PLOD1: variants seen among roughly 807,000 people sequenced by gnomAD.
PLOD1 encodes the protein lysine hydroxylase.
PLOD1 carries 70 observed loss-of-function variants against 94.7 expected under a neutral mutation model. The observed-to-expected ratio is 0.74, with a 90% confidence interval of 0.61 to 0.90. PLOD1 has a LOEUF of 0.90. PLOD1 is among the 40% of genes least tolerant of loss of function. PLOD1 has a pLI of 0.00. For synonymous variants in PLOD1, 417 were observed against 400.2 expected (o/e 1.04, Z -0.50); for missense variants, 905 against 972.7 (o/e 0.93, Z 0.93).
chr1:11,957,218 G>A lies in PLOD1; in HGVS notation c.741+204G>A, dbSNP rs760343379. 4 of 749,134 alleles carry A rather than the reference G, an allele frequency of 5.3e-6. No individual in the cohort carries two copies. In the African/African-American group the frequency reaches 6.8e-5, roughly 13 times the overall value. 46.4% of individuals were successfully genotyped at this position (749,134 alleles called of 1,614,324 possible). On this transcript the variant is annotated intron_variant, in intron 7 of 18. Transcript: ENST00000196061. This position sits in a 1 kb window ranked among gnomAD's most constrained non-coding sequence, Gnocchi z 4.1. Reference sequence around the variant, plus strand: ...GGTCAGTGGTACTCTGTCTGTTCTTGCTGGTCACAGGACACGTAGGAGGCT... The same window carrying A: ...GGTCAGTGGTACTCTGTCTGTTCTTACTGGTCACAGGACACGTAGGAGGCT...
In PLOD1 at chr1:11,964,181, C is replaced by T. The variant is rs1401528073; in HGVS notation, c.1209C>T (p.Val403=). The change falls in exon 12 of 19, where the codon GTC becomes GTT. Residue 403 remains valine, a synonymous_variant. Coordinates refer to ENST00000196061, the MANE Select transcript of PLOD1 (RefSeq NM_000302.4). ...AGGTGCTCCCTTCCCTCAGGAACGT[C>T]ATTGCCCCGCTGATGACCCGGCATG... is the stretch of plus-strand genomic sequence containing the variant. ...LRLLIQQNKN[V]IAPLMTRHGR... The T allele has an allele frequency of 1.9e-6, 3 of 1,613,840 alleles. No homozygotes were observed. Among genetic ancestry groups the T allele is most frequent in the East Asian group, 4.5e-5 (2 of 44,890 alleles).
chr1:11,949,698 G>A (rs1645683774), intron 2 of PLOD1, 75 bp from the exon 3 acceptor site: 1 of 1,507,958 alleles, frequency 6.6e-7, no homozygotes, highest in Non-Finnish European at 9.2e-7. Context: ...GGGATTACCA[G>A]CATGAGCCAC....
At chr1:11,959,313 G>A (rs1184965286) in intron 9 of PLOD1, among the ~76,000 whole-genome samples, 5 of 152,132 alleles carry the variant, frequency 3.3e-5, no homozygotes, top group African/African-American at 1.2e-4. Flanking sequence ...TGCGAAGTTC[G>A]TAAAAGGTGC....
At chr1:11,965,202 A>G (rs369944062) in intron 13 of PLOD1, among the ~76,000 whole-genome samples, 34 of 151,512 alleles carry the variant, frequency 2.2e-4, no homozygotes, top group Admixed American at 1.2e-3. Flanking sequence ...CCTGTGACCA[A>G]CATTTCAGGA....
intron 11 of PLOD1, 67 bp from the exon 12 acceptor site, chr1:11,964,108 C>T (rs1645798522): frequency 6.5e-7 from 1 of 1,528,126 alleles, no homozygotes; most frequent in South Asian, 1.1e-5. Context: ...TCCCCCCATC[C>T]CTGGTTAGTG....
intron 13 of PLOD1, 77 bp downstream of exon 13, chr1:11,964,862 A>C (rs1645804851): frequency 6.7e-7 from 1 of 1,493,792 alleles, no homozygotes; most frequent in Admixed American, 1.7e-5. Context: ...TCTGACCCTC[A>C]TGGTGGGCCG....
rs1349082713 is a variant in PLOD1, at chr1:11,934,815, G to T, written c.36G>T (p.Trp12Cys). ...RPLLLLALLGWLLLAEAKGDA... is the reference protein window; with the variant it reads ...RPLLLLALLGCLLLAEAKGDA... ...TGCTGCTACTGGCCCTGCTGGGCTG[G>T]CTGCTGCTGGCCGAAGCGAAGGGCG... Residue 12 changes from tryptophan to cysteine, a missense_variant, in exon 1 of 19, where the codon TGG (tryptophan) becomes TGT (cysteine). By Grantham distance (215) the Trp-to-Cys change is radical. Transcript: ENST00000196061. The T allele has an allele frequency of 1.3e-6, 2 of 1,540,854 alleles. No individual in the cohort carries two copies. Among genetic ancestry groups the T allele is most frequent in the East Asian group, 2.5e-5 (1 of 40,662 alleles).
intron 16 of PLOD1, among the ~76,000 whole-genome samples, chr1:11,967,614 TAAAAAGAA>T (rs1241578424): frequency 8.7e-4 from 102 of 117,346 alleles, no homozygotes; most frequent in Middle Eastern, 4.2e-3. Context: ...TATATATATA[TAAAAAGAA>T]ATATATATAG....
In PLOD1 at chr1:11,937,006, C is replaced by T. The variant is rs1205398163; in HGVS notation, c.76+2151C>T. Among the ~76,000 whole-genome samples, 3 of 152,156 alleles carry T rather than the reference C, an allele frequency of 2.0e-5. No individual in the cohort carries two copies. The East Asian group carries it at 5.8e-4, about 29-fold the overall frequency. On this transcript the variant is annotated intron_variant, in intron 1 of 18. Coordinates refer to ENST00000196061, the MANE Select transcript of PLOD1 (RefSeq NM_000302.4). The stretch of plus-strand genomic sequence containing the variant: ...GGGATTACAGGCGGATGCCACAACG[C>T]TCAGCTAATGTTTGTATTTTTAGTA...
At position 11,972,719 on chromosome 1, in the gene PLOD1, G is replaced by A. The variant is rs764151578; in HGVS notation, c.1903-153G>A. On this transcript the variant is annotated intron_variant, in intron 17 of 18. Coordinates refer to ENST00000196061, the MANE Select transcript of PLOD1 (RefSeq NM_000302.4). The surrounding 1 kb of genome is among the most constrained non-coding windows in gnomAD (Gnocchi z 4.6). The stretch of plus-strand genomic sequence containing the variant: ...AGAACCTTTTCTGTGCCAGGTAGTT[G>A]CAGGCACTCGAGCATAGAGCCCCAT... 5.8e-6 allele frequency: 4 copies of A among 689,264 alleles called. No homozygotes were observed. The highest frequency in any genetic ancestry group is 1.0e-5 in the Non-Finnish European group (4 of 382,190). The allele number at this position is 689,264 out of a possible 1,614,324, so 42.7% of individuals were successfully genotyped here.
At chr1:11,962,032 G>T (rs377075076) in intron 10 of PLOD1, among the ~76,000 whole-genome samples, 1 of 152,008 alleles carries the variant, frequency 6.6e-6, no homozygotes, top group South Asian at 2.1e-4. Flanking sequence ...CAAGTGATCC[G>T]CCCGCCTTGG....
chr1:11,938,926 G>A (rs1352488679), intron 1 of PLOD1, among the ~76,000 whole-genome samples: 2 of 152,116 alleles, frequency 1.3e-5, no homozygotes, highest in South Asian at 2.1e-4. Context: ...ACACAAGAAG[G>A]CTTCAACAAA....
intron 4 of PLOD1, among the ~76,000 whole-genome samples, chr1:11,951,331 C>T (rs1288494969): frequency 2.0e-5 from 3 of 151,520 alleles, no homozygotes; most frequent in Non-Finnish European, 4.4e-5. Context: ...TTTGGGAAGC[C>T]GAGGTGGGAG....
In PLOD1 at chr1:11,958,488, G is replaced by A. The variant is rs1645754816; in HGVS notation, c.844-28G>A. On this transcript the variant is annotated intron_variant, in intron 8 of 18. Coordinates refer to ENST00000196061, the MANE Select transcript of PLOD1 (RefSeq NM_000302.4). This position sits in a 1 kb window ranked among gnomAD's most constrained non-coding sequence, Gnocchi z 4.3. ...GCAGTGCTGTGACTGGACACTGCTG[G>A]ACTCTTGTGCCGCCCTCCCTGGTGC... 2 of 1,612,246 alleles carry A rather than the reference G, an allele frequency of 1.2e-6. No individual in the cohort carries two copies. The highest frequency in any genetic ancestry group is 1.3e-5 in the African/African-American group (1 of 74,912).
chr1:11,968,327 T>A (rs906058357), intron 16 of PLOD1, among the ~76,000 whole-genome samples: 1 of 152,086 alleles, frequency 6.6e-6, no homozygotes, highest in Non-Finnish European at 1.5e-5. Flanking sequence ...AGGATTTTGA[T>A]AAAAGAGCAC....
In PLOD1 at chr1:11,972,615, C is replaced by T. The variant is rs1645874106; in HGVS notation, c.1903-257C>T. 1.8e-5 allele frequency: 8 copies of T among 443,214 alleles called. No homozygotes were observed. Among genetic ancestry groups the T allele is most frequent in the South Asian group, 1.4e-4 (5 of 35,382 alleles). The allele number at this position is 443,214 out of a possible 1,614,324, so 27.5% of individuals were successfully genotyped here. A position where few individuals can be genotyped will look rare whatever the true frequency, so the allele number is the denominator to read the frequency against. ...CTCTTCCCTTTTCCTCCCTTCCTCC[C>T]TCCCTCCCTTCCTTTCTTCCTTCCC... is the stretch of plus-strand genomic sequence containing the variant. On this transcript the variant is annotated intron_variant, in intron 17 of 18. Transcript: ENST00000196061. This position sits in a 1 kb window ranked among gnomAD's most constrained non-coding sequence, Gnocchi z 4.6.
rs745761674 is a variant in PLOD1 at position 11,966,248 on chromosome 1, C to T, written c.1585-3C>T. The stretch of plus-strand genomic sequence containing the variant: ...ACCCTAGCCTGCTTCCCACTTCCCA[C>T]AGGACTGGAAGGAGAAGTACATCCA... On this transcript the variant is annotated splice_region_variant and splice_polypyrimidine_tract_variant and intron_variant, in intron 14 of 18. Coordinates refer to ENST00000196061, the MANE Select transcript of PLOD1 (RefSeq NM_000302.4). 3 of 1,604,682 alleles carry T rather than the reference C, an allele frequency of 1.9e-6. No homozygotes were observed. Among genetic ancestry groups the T allele is most frequent in the Admixed American group, 1.7e-5 (1 of 59,166 alleles).
intron 5 of PLOD1, chr1:11,954,427 A>G (rs1051768877): frequency 2.7e-5 from 12 of 438,500 alleles, no homozygotes; most frequent in Admixed American, 2.0e-4. Context: ...CGGAGGTTGC[A>G]GTGAGTCGAG....
At chr1:11,939,405 C>T (rs555395734) in intron 1 of PLOD1, among the ~76,000 whole-genome samples, 9 of 152,238 alleles carry the variant, frequency 5.9e-5, no homozygotes, top group African/African-American at 2.2e-4. Flanking sequence ...CCCGCCTCCC[C>T]AGGGAGCAGA....
Sources: gnomAD v4.1 joint callset for allele counts (sites outside exome capture counted in the v4.1 genomes callset) on GRCh38, gnomAD v4.1.1 for gene constraint, Gnocchi (gnomAD v3.1) non-coding constraint, MANE v1.5 for transcripts, NCBI Gene and HGNC (gene_info 2026-07-23, HGNC 2026-07-21) for gene names.